The following TMEM260 variants were observed in gnomAD, a reference collection of about 807,000 sequenced individuals.
TMEM260 encodes protein O-mannosyl-transferase TMEM260.
In TMEM260, 82 loss-of-function variants were observed where a neutral mutation model predicts 88.9. The ratio of observed to expected loss-of-function variants is 0.92; its 90% CI spans 0.77 to 1.11. The LOEUF is 1.11. Among genes scored for constraint, TMEM260 ranks in the 50% least tolerant of loss-of-function variants. The probability of loss-of-function intolerance (pLI) is 0.00; values close to 1 mark genes in which losing one functional copy is unlikely to be tolerated. For synonymous variants in TMEM260, 314 were observed against 309.3 expected, an observed-to-expected ratio of 1.02 and a Z score of -0.16; for missense variants, 902 against 853.4, an observed-to-expected ratio of 1.06 and a Z score of -0.71.
chr14:56,607,570 G>GGCTGCT (rs1050739915), intron 5 of TMEM260, among the ~76,000 whole-genome samples: 14 of 152,216 alleles, frequency 9.2e-5, no homozygotes, highest in African/African-American at 3.1e-4. Flanking sequence ...TTTCAACCCT[G>GGCTGCT]GCTGCTTACT....
intron 11 of TMEM260, among the ~76,000 whole-genome samples, chr14:56,624,318 A>G (rs1471899872): frequency 6.6e-6 from 1 of 152,204 alleles, no homozygotes; most frequent in South Asian, 2.1e-4. Context: ...TCACGTCTGT[A>G]ATCCCAGAAC....
intron 12 of TMEM260, 43 bp from the exon 13 acceptor site, chr14:56,632,952 C>G: frequency 6.6e-7 from 1 of 1,519,858 alleles, no homozygotes; most frequent in East Asian, 2.3e-5. Flanking sequence ...ACATTTAAAA[C>G]TTTAAATTTT....
chr14:56,657,834 T>C, the TMEM260 span, among the ~76,000 whole-genome samples: 1 of 152,146 alleles, frequency 6.6e-6, no homozygotes, highest in Non-Finnish European at 1.5e-5. Context: ...GACCACACTT[T>C]TATTTTGGCA....
chr14:56,633,182 C>T lies in TMEM260; in HGVS notation c.1724+11C>T, dbSNP rs745737462. On this transcript the variant is annotated intron_variant, in intron 13 of 15. Coordinates refer to ENST00000261556, the MANE Select transcript of TMEM260 (RefSeq NM_017799.4). ...CGAAGAATATGGAAGGTATGAACAG[C>T]AGTTGTATTTTGATGCATATAAACA... 1.9e-5 allele frequency: 31 copies of T among 1,601,904 alleles called. No individual in the cohort carries two copies. The highest frequency in any genetic ancestry group is 2.6e-5 in the Non-Finnish European group (31 of 1,174,234).
At chr14:56,657,283 GA>G in the TMEM260 span, among the ~76,000 whole-genome samples, 1 of 151,308 alleles carries the variant, frequency 6.6e-6, no homozygotes, top group Admixed American at 6.6e-5. Flanking sequence ...TTTTGTAAAT[GA>G]GCACCCCATT....
chr14:56,658,606 C>G, the TMEM260 span, among the ~76,000 whole-genome samples: 3 of 152,128 alleles, frequency 2.0e-5, no homozygotes, highest in Admixed American at 1.3e-4. Flanking sequence ...CTGACCAGGA[C>G]TCTTCAAACA....
At chr14:56,620,279 C>G (rs1887835138) in intron 10 of TMEM260, among the ~76,000 whole-genome samples, 1 of 152,126 alleles carries the variant, frequency 6.6e-6, no homozygotes, top group Admixed American at 6.5e-5. Flanking sequence ...ACACGTGTAC[C>G]CTGAACATAA....
intron 13 of TMEM260, 92 bp from the exon 14 acceptor site, chr14:56,634,807 A>G (rs1033915813): frequency 8.8e-7 from 1 of 1,142,304 alleles, no homozygotes; most frequent in African/African-American, 1.5e-5. Flanking sequence ...GCACCATTGC[A>G]TTCCAGCCTG....
the TMEM260 span, among the ~76,000 whole-genome samples, chr14:56,659,100 G>C: frequency 1.1e-4 from 16 of 152,122 alleles, no homozygotes; most frequent in Non-Finnish European, 1.0e-4. Flanking sequence ...AGTAAGTATT[G>C]CACTAATGTC....
At chr14:56,590,596 C>A (rs1885792169) in intron 3 of TMEM260, among the ~76,000 whole-genome samples, 1 of 152,224 alleles carries the variant, frequency 6.6e-6, no homozygotes, top group East Asian at 1.9e-4. Context: ...TTGATTTACT[C>A]TGCTTTTCCC....
At chr14:56,589,589 G>T (rs1391454690) in intron 3 of TMEM260, among the ~76,000 whole-genome samples, 1 of 152,014 alleles carries the variant, frequency 6.6e-6, no homozygotes, top group Non-Finnish European at 1.5e-5. Flanking sequence ...ACGTCAAGTA[G>T]ATTACCTAGA....
chr14:56,590,136 A>G (rs1283168894), intron 3 of TMEM260, among the ~76,000 whole-genome samples: 2 of 152,222 alleles, frequency 1.3e-5, no homozygotes, highest in African/African-American at 4.8e-5. Flanking sequence ...TATTTCTCTC[A>G]TACTTGTATT....
intron 3 of TMEM260, among the ~76,000 whole-genome samples, chr14:56,588,961 C>T (rs1012391625): frequency 6.6e-6 from 1 of 151,630 alleles, no homozygotes; most frequent in Non-Finnish European, 1.5e-5. Flanking sequence ...ATTCACAAAT[C>T]CTATTAATAT....
chr14:56,603,629 A>G (rs1201003017), intron 3 of TMEM260, among the ~76,000 whole-genome samples, 186 bp from the exon 4 acceptor site: 1 of 152,202 alleles, frequency 6.6e-6, no homozygotes, highest in East Asian at 1.9e-4. Flanking sequence ...TAATAGGTTA[A>G]CATATGAACT....
intron 3 of TMEM260, 44 bp downstream of exon 3, chr14:56,585,956 A>G (rs1885474768): frequency 6.3e-7 from 1 of 1,593,900 alleles, no homozygotes; most frequent in Non-Finnish European, 8.5e-7. Context: ...GCAGTTGGAG[A>G]TGTAGATTTC....
At chr14:56,588,274 T>G (rs1181440190) in intron 3 of TMEM260, among the ~76,000 whole-genome samples, 2 of 152,090 alleles carry the variant, frequency 1.3e-5, no homozygotes. Flanking sequence ...ATTAATTCTT[T>G]TAACAGGTTT....
In TMEM260 at chr14:56,604,431, G is replaced by A. The variant is rs115685173; in HGVS notation, c.522+439G>A. On this transcript the variant is annotated intron_variant, in intron 4 of 15. Coordinates refer to ENST00000261556, the MANE Select transcript of TMEM260 (RefSeq NM_017799.4). ...AAGAAGAGTATCAAATGTAAACCATGAAGTAGTTCAGAAGAGATTACAATG... is the reference window on the plus strand; with the variant it reads ...AAGAAGAGTATCAAATGTAAACCATAAAGTAGTTCAGAAGAGATTACAATG... Among the ~76,000 whole-genome samples the A allele has an allele frequency of 3.5e-3, 526 of 152,280 alleles. 5 individuals carry two copies. The highest frequency in any genetic ancestry group is 0.012 in the African/African-American group (509 of 41,558).
downstream of TMEM260, among the ~76,000 whole-genome samples, chr14:56,652,352 G>T (rs938439196): frequency 1.3e-5 from 2 of 152,084 alleles, no homozygotes; most frequent in African/African-American, 4.8e-5. Flanking sequence ...ACAAAAATTA[G>T]CAGGGCAAGG....
rs987999731 is a variant in TMEM260 at position 56,585,988 on chromosome 14, TA to T, written c.344+83del. ...TTTCTTATGGCTCAAGTACATACAT[TA>T]AAAAAATCTTTTGTTGCTTGGTTTC... On this transcript the variant is annotated intron_variant, in intron 3 of 15. Transcript: ENST00000261556. The T allele has an allele frequency of 4.8e-6, 7 of 1,450,210 alleles. No individual in the cohort carries two copies. The African/African-American group carries it at 1.0e-4, about 21-fold the overall frequency. 89.8% of individuals were successfully genotyped at this position (1,450,210 alleles called of 1,614,324 possible).
Sources: gnomAD v4.1 joint callset for allele counts (sites outside exome capture counted in the v4.1 genomes callset) on GRCh38, gnomAD v4.1.1 for gene constraint, MANE v1.5 for transcripts, NCBI Gene and HGNC (gene_info 2026-07-23, HGNC 2026-07-21) for gene names.